The following STK33 variants were observed in gnomAD, a reference collection of about 807,000 sequenced individuals.
STK33 encodes serine/threonine-protein kinase 33.
In STK33, 52 loss-of-function variants were observed where a neutral mutation model predicts 58.0. That is an observed-to-expected ratio of 0.90 (90% confidence interval 0.72 to 1.13). The LOEUF (loss-of-function observed/expected upper bound fraction) is 1.13. STK33 is among the 50% of genes most tolerant of loss of function. The probability of loss-of-function intolerance (pLI) is 0.00; values close to 1 mark genes in which losing one functional copy is unlikely to be tolerated. For missense variants in STK33, 630 were observed against 604.2 expected (o/e 1.04, Z -0.45); for synonymous variants, 215 against 200.1 (o/e 1.07, Z -0.63).
chr11:8,584,663 A>T (rs1387913414), intron 1 of STK33, among the ~76,000 whole-genome samples: 1 of 152,150 alleles, frequency 6.6e-6, no homozygotes, highest in Non-Finnish European at 1.5e-5. Context: ...GCCCTTCTCC[A>T]ACAGCTCTCT....
In STK33 at chr11:8,493,850, A is replaced by G. The variant is rs1480854080; in HGVS notation, c.-465-13236T>C. On this transcript the variant is annotated intron_variant, in intron 1 of 15. Coordinates refer to ENST00000687296, the MANE Select transcript of STK33 (RefSeq NM_001352389.2). ...AAACAGAACCAATGACAAAAACCACATGACTATCTTAATAGATGCAGAAAA... is the reference window on the plus strand; with the variant it reads ...AAACAGAACCAATGACAAAAACCACGTGACTATCTTAATAGATGCAGAAAA... Among the ~76,000 whole-genome samples the G allele has an allele frequency of 3.3e-5, 5 of 152,210 alleles. No homozygotes were observed. The East Asian group carries it at 9.6e-4, about 29-fold the overall frequency.
the STK33 span, among the ~76,000 whole-genome samples, chr11:8,365,603 ATCCCATTTACCGTTACCACCCC>A: frequency 6.6e-6 from 1 of 151,924 alleles, no homozygotes; most frequent in Non-Finnish European, 1.5e-5. Context: ...TATTCCTTGG[ATCCCATTTACCGTTACCACCCC>A]TCCACCTCCA....
chr11:8,470,832 C>A (rs1214755254), intron 6 of STK33, among the ~76,000 whole-genome samples: 1 of 152,108 alleles, frequency 6.6e-6, no homozygotes, highest in African/African-American at 2.4e-5. Flanking sequence ...ATTTGTGACA[C>A]CCCCAAACAA....
intron 12 of STK33, among the ~76,000 whole-genome samples, chr11:8,440,226 T>C (rs1317959687): frequency 6.6e-6 from 1 of 151,992 alleles, no homozygotes; most frequent in South Asian, 2.1e-4. Context: ...CTGGGAACTG[T>C]AGAATACTCC....
At chr11:8,396,907 G>T (rs538760615) in intron 15 of STK33, among the ~76,000 whole-genome samples, 1 of 152,334 alleles carries the variant, frequency 6.6e-6, no homozygotes, top group Non-Finnish European at 1.5e-5. Context: ...CTGCAACGAG[G>T]CTGGGAGAGG....
chr11:8,521,277 G>A (rs1953406582), intron 1 of STK33, among the ~76,000 whole-genome samples: 1 of 151,982 alleles, frequency 6.6e-6, no homozygotes, highest in Non-Finnish European at 1.5e-5. Flanking sequence ...CCAAAACAGA[G>A]ATATAGACCA....
At chr11:8,572,031 A>T (rs2141151876) in intron 1 of STK33, among the ~76,000 whole-genome samples, 2 of 145,858 alleles carry the variant, frequency 1.4e-5, no homozygotes, top group African/African-American at 2.5e-5. Flanking sequence ...TTTAATTTTA[A>T]AAAATAAATT....
chr11:8,348,037 C>G, the STK33 span, among the ~76,000 whole-genome samples: 2 of 152,198 alleles, frequency 1.3e-5, no homozygotes, highest in African/African-American at 4.8e-5. Flanking sequence ...GAGACAATGC[C>G]TCCCACTGGG....
chr11:8,395,883 T>C (rs368123239), intron 15 of STK33, among the ~76,000 whole-genome samples: 1 of 152,230 alleles, frequency 6.6e-6, no homozygotes, highest in Non-Finnish European at 1.5e-5. Flanking sequence ...TGCCTTCCAC[T>C]GCAGTTGTAC....
In STK33 at chr11:8,474,775, T is replaced by C; in HGVS notation, c.131A>G (p.Gln44Arg). 2.5e-6 allele frequency: 4 copies of C among 1,613,718 alleles called. No individual in the cohort carries two copies. In the South Asian group the frequency reaches 4.4e-5, roughly 18 times the overall value. ...TTCTGCACTACCAATGCTTGATGTC[T>C]GTGACATTTCCACCACCAAAACTGG... ...VPPVLVVEMS[Q>R]TSSIGSAESL... The change falls in exon 5 of 16, where the codon CAG (glutamine) becomes CGG (arginine). Residue 44 changes from glutamine (Q) to arginine (R), a missense_variant. Coordinates refer to ENST00000687296, the MANE Select transcript of STK33 (RefSeq NM_001352389.2).
chr11:8,563,062 G>C (rs1957222295), intron 1 of STK33, among the ~76,000 whole-genome samples: 1 of 152,120 alleles, frequency 6.6e-6, no homozygotes, highest in Non-Finnish European at 1.5e-5. Flanking sequence ...AAGTCTCCTT[G>C]AAGCTCACTT....
chr11:8,507,145 C>T (rs1480547981), intron 1 of STK33, among the ~76,000 whole-genome samples: 4 of 152,076 alleles, frequency 2.6e-5, no homozygotes, highest in Non-Finnish European at 4.4e-5. Flanking sequence ...AAAAAGATGA[C>T]GCAAGGCCTT....
chr11:8,474,995 T>C lies in STK33; in HGVS notation c.-90A>G, dbSNP rs1388238939. 1 of 1,275,674 alleles carries C rather than the reference T, an allele frequency of 7.8e-7. No individual in the cohort carries two copies. The highest frequency in any genetic ancestry group is 1.1e-6 in the Non-Finnish European group (1 of 932,034). The allele number at this position is 1,275,674 out of a possible 1,614,324, so 79.0% of individuals were successfully genotyped here. ...CCAAAAAGGATAAGGTAGTTGATGGTGAAAACTGTAATTTCGAACTGGTGA... is the reference window on the plus strand; with the variant it reads ...CCAAAAAGGATAAGGTAGTTGATGGCGAAAACTGTAATTTCGAACTGGTGA... On this transcript the variant is annotated 5_prime_UTR_variant, in exon 5 of 16. Coordinates refer to ENST00000687296, the MANE Select transcript of STK33 (RefSeq NM_001352389.2).
At chr11:8,591,077 TC>T (rs1406202064) in intron 1 of STK33, among the ~76,000 whole-genome samples, 2 of 152,320 alleles carry the variant, frequency 1.3e-5, no homozygotes, top group African/African-American at 2.4e-5. Context: ...TCTGTAAGTC[TC>T]TAAGGATAAG....
intron 1 of STK33, among the ~76,000 whole-genome samples, chr11:8,568,198 G>T (rs1490827069): frequency 6.6e-6 from 1 of 152,112 alleles, no homozygotes; most frequent in Non-Finnish European, 1.5e-5. Flanking sequence ...TCACAGTCCT[G>T]AAGTACCCAA....
intron 1 of STK33, among the ~76,000 whole-genome samples, chr11:8,488,358 T>C (rs1950333434): frequency 6.6e-6 from 1 of 152,010 alleles, no homozygotes; most frequent in Non-Finnish European, 1.5e-5. Context: ...AACATATTCC[T>C]AGGAATCTAG....
At chr11:8,428,429 C>T (rs955183138) in intron 14 of STK33, among the ~76,000 whole-genome samples, 4 of 152,172 alleles carry the variant, frequency 2.6e-5, no homozygotes, top group Admixed American at 6.5e-5. Context: ...CTCAAGCTAT[C>T]CCTTTATTTT....
intron 14 of STK33, among the ~76,000 whole-genome samples, chr11:8,416,056 G>A (rs1941073028): frequency 6.6e-6 from 1 of 152,168 alleles, no homozygotes; most frequent in Non-Finnish European, 1.5e-5. Flanking sequence ...TTAGGCATCT[G>A]CTATTCAGTT....
chr11:8,399,674 C>A (rs1450215430), intron 15 of STK33, among the ~76,000 whole-genome samples: 1 of 152,110 alleles, frequency 6.6e-6, no homozygotes, highest in African/African-American at 2.4e-5. Flanking sequence ...ATCAATGAAT[C>A]CAGGAGCTGG....
Sources: allele counts gnomAD v4.1 joint callset (sites outside exome capture counted in the v4.1 genomes callset), GRCh38; gene constraint gnomAD v4.1.1; transcripts MANE v1.5; gene names NCBI Gene and HGNC (gene_info 2026-07-23, HGNC 2026-07-21).